FANCB: variants seen among roughly 807,000 people sequenced by gnomAD.
The protein encoded by FANCB is FA complementation group B.
FANCB carries 5 observed loss-of-function variants against 38.9 expected under a neutral mutation model. The ratio of observed to expected loss-of-function variants is 0.13; its 90% CI spans 0.07 to 0.27. The LOEUF (loss-of-function observed/expected upper bound fraction) is 0.27, where lower values mean the gene tolerates loss of function less well. FANCB is among the 10% of genes least tolerant of loss of function. The pLI, the probability that FANCB is intolerant of heterozygous loss-of-function variation, is 1.00. For missense variants in FANCB, 573 were observed against 602.7 expected, an observed-to-expected ratio of 0.95 and a Z score of 0.52; for synonymous variants, 236 against 215.4, an observed-to-expected ratio of 1.10 and a Z score of -0.84.
At chrX:14,691,336 TGC>T in the FANCB span, among the ~76,000 whole-genome samples, 6 of 104,384 alleles carry the variant, frequency 5.7e-5, no homozygotes, top group African/African-American at 2.1e-4. Flanking sequence ...CGCGCGTGCG[TGC>T]GTGTACATCA....
the FANCB span, among the ~76,000 whole-genome samples, chrX:14,739,514 A>G: frequency 1.8e-5 from 2 of 112,503 alleles, no homozygotes; most frequent in Non-Finnish European, 3.8e-5. Context: ...ATCCATGCTC[A>G]TGAATGACGA....
the FANCB span, among the ~76,000 whole-genome samples, chrX:14,717,345 T>TA: frequency 0.31 from 28,503 of 91,216 alleles, 3,413 homozygotes; most frequent in African/African-American, 0.36. Flanking sequence ...CTTAAGAAAG[T>TA]AAAAAAAAAA....
the FANCB span, among the ~76,000 whole-genome samples, chrX:14,698,371 A>G: frequency 9.1e-6 from 1 of 110,182 alleles, no homozygotes; most frequent in African/African-American, 3.3e-5. Flanking sequence ...ATTTTTTTTT[A>G]ATTATTTAAA....
chrX:14,815,957 T>C, the FANCB span, among the ~76,000 whole-genome samples: 2 of 112,239 alleles, frequency 1.8e-5, no homozygotes, highest in South Asian at 3.6e-4. Context: ...GGGAGCTAAA[T>C]AATGTGTACA....
chrX:14,771,737 T>C, the FANCB span, among the ~76,000 whole-genome samples: 4 of 112,204 alleles, frequency 3.6e-5, no homozygotes, highest in African/African-American at 1.3e-4. Flanking sequence ...GAGTTTTTGG[T>C]GTTTTTATGT....
the FANCB span, among the ~76,000 whole-genome samples, chrX:14,707,299 G>A: frequency 4.5e-5 from 5 of 111,377 alleles, no homozygotes; most frequent in African/African-American, 1.3e-4. Flanking sequence ...TTAGAGTCAT[G>A]GCCTAACCAC....
the FANCB span, among the ~76,000 whole-genome samples, chrX:14,775,114 G>T: frequency 9.8e-6 from 1 of 102,311 alleles, no homozygotes; most frequent in Non-Finnish European, 2.0e-5. Context: ...TTACAGGCGT[G>T]AGCCACCGCA....
At chrX:14,703,935 C>T in the FANCB span, among the ~76,000 whole-genome samples, 2 of 111,882 alleles carry the variant, frequency 1.8e-5, no homozygotes, top group African/African-American at 3.3e-5. Context: ...TGTTGCCTCC[C>T]AAGTAAACCT....
the FANCB span, among the ~76,000 whole-genome samples, chrX:14,721,642 G>C: frequency 2.7e-5 from 3 of 111,299 alleles, no homozygotes; most frequent in Non-Finnish European, 5.6e-5. Context: ...ACAAAGAATC[G>C]TACAGTCCCA....
chrX:14,740,132 A>G, the FANCB span, among the ~76,000 whole-genome samples: 4 of 111,937 alleles, frequency 3.6e-5, no homozygotes, highest in Admixed American at 3.8e-4. Context: ...AAGGATCAGG[A>G]CTAACCAAGA....
At chrX:14,815,756 A>C in the FANCB span, among the ~76,000 whole-genome samples, 1 of 112,479 alleles carries the variant, frequency 8.9e-6, no homozygotes. Context: ...AAAGATATGG[A>C]ATCAACCTGT....
downstream of FANCB, among the ~76,000 whole-genome samples, chrX:14,832,324 C>T (rs1467468495): frequency 9.0e-6 from 1 of 111,382 alleles, no homozygotes; most frequent in Non-Finnish European, 1.9e-5. Flanking sequence ...CCCTGTGTCT[C>T]TGTATTAACG....
At chrX:14,690,669 C>T in the FANCB span, 1 of 937,717 alleles carries the variant, frequency 1.1e-6, no homozygotes, top group Non-Finnish European at 1.5e-6. Context: ...TTCTCTCTCT[C>T]TCTCTCTCTG....
the FANCB span, among the ~76,000 whole-genome samples, chrX:14,782,927 C>T: frequency 0.027 from 3,054 of 111,078 alleles, 99 homozygotes; most frequent in African/African-American, 0.095. Context: ...TGCTGGTTTG[C>T]AGGCCATATT....
chrX:14,824,940 C>T, the FANCB span, among the ~76,000 whole-genome samples: 1 of 112,198 alleles, frequency 8.9e-6, no homozygotes, highest in South Asian at 3.6e-4. Context: ...TTCCCTTGGT[C>T]TTTGTCTGAA....
At chrX:14,856,131 T>C (rs767770268) in intron 5 of FANCB, among the ~76,000 whole-genome samples, 24 of 112,052 alleles carry the variant, frequency 2.1e-4, no homozygotes, top group Middle Eastern at 9.2e-3. Flanking sequence ...TAGTATTCCA[T>C]AGTTCAGGCA....
At chrX:14,827,947 A>C in the FANCB span, among the ~76,000 whole-genome samples, 1 of 112,036 alleles carries the variant, frequency 8.9e-6, no homozygotes, top group African/African-American at 3.2e-5. Context: ...TAAACCACCA[A>C]AACAAAACAA....
chrX:14,855,544 C>T (rs1406190948), intron 5 of FANCB, among the ~76,000 whole-genome samples: 2 of 111,813 alleles, frequency 1.8e-5, no homozygotes, highest in East Asian at 5.6e-4. Flanking sequence ...CTCATATATT[C>T]GGGGTCACTA....
At chrX:14,855,012 A>G (rs962308269) in intron 5 of FANCB, among the ~76,000 whole-genome samples, 1 of 112,081 alleles carries the variant, frequency 8.9e-6, no homozygotes, top group Admixed American at 9.5e-5. Flanking sequence ...TATCACTAGT[A>G]GCTGTAGTTC....
Sources: allele counts gnomAD v4.1 joint callset (sites outside exome capture counted in the v4.1 genomes callset), GRCh38; gene constraint gnomAD v4.1.1; transcripts MANE v1.5; gene names NCBI Gene and HGNC (gene_info 2026-07-23, HGNC 2026-07-21).